The following NMNAT3 variants were observed in gnomAD, a reference collection of about 807,000 sequenced individuals.
NMNAT3 encodes the protein nicotinamide/nicotinic acid mononucleotide adenylyltransferase 3.
A neutral mutation model predicts 24.8 loss-of-function variants in NMNAT3; 21 were observed. That is an observed-to-expected ratio of 0.85 (90% CI 0.60 to 1.22). The LOEUF is 1.22. NMNAT3 is among the 50% of genes most tolerant of loss of function. The pLI is 0.00. For missense variants in NMNAT3, 387 were observed against 436.6 expected, an observed-to-expected ratio of 0.89 and a Z score of 1.01; for synonymous variants, 136 against 155.2, an observed-to-expected ratio of 0.88 and a Z score of 0.92.
chr3:139,652,231 C>T (rs1055068681), intron 1 of NMNAT3, among the ~76,000 whole-genome samples: 5 of 152,202 alleles, frequency 3.3e-5, no homozygotes, highest in African/African-American at 1.2e-4. Flanking sequence ...TGTCCCCTTA[C>T]ATTTTGTGGG....
At chr3:139,644,990 T>C (rs1424783423) in intron 1 of NMNAT3, among the ~76,000 whole-genome samples, 2 of 151,910 alleles carry the variant, frequency 1.3e-5, no homozygotes, top group Non-Finnish European at 2.9e-5. Context: ...GATCATGAGG[T>C]CAGGAGTTCG....
intron 3 of NMNAT3, among the ~76,000 whole-genome samples, chr3:139,595,952 T>C (rs1381852169): frequency 1.3e-5 from 2 of 152,164 alleles, no homozygotes; most frequent in East Asian, 3.8e-4. Flanking sequence ...AAAGCCAAAA[T>C]TGACAAATGG....
intron 3 of NMNAT3, among the ~76,000 whole-genome samples, chr3:139,607,317 C>G (rs566725971): frequency 3.3e-5 from 5 of 152,248 alleles, no homozygotes; most frequent in Admixed American, 3.3e-4. Flanking sequence ...AGCCTCCACT[C>G]CTTTATTCAT....
intron 3 of NMNAT3, among the ~76,000 whole-genome samples, chr3:139,585,772 T>C (rs1486944087): frequency 1.3e-5 from 2 of 152,214 alleles, no homozygotes; most frequent in Non-Finnish European, 2.9e-5. Flanking sequence ...TTTTCCTCTT[T>C]TGCCTCAGCA....
rs143994697 is a variant in NMNAT3 at position 139,597,972 on chromosome 3, G to A, written c.110-14764C>T. On this transcript the variant is annotated intron_variant, in intron 3 of 6. Coordinates refer to ENST00000643695, the MANE Select transcript of NMNAT3 (RefSeq NM_001320510.2). ...AATAAACTGCTTATTCTTGTATGCCGTTGATAATTTGTAGTTTTTATGCAG... is the reference window on the plus strand; with the variant it reads ...AATAAACTGCTTATTCTTGTATGCCATTGATAATTTGTAGTTTTTATGCAG... Among the ~76,000 whole-genome samples the A allele has an allele frequency of 5.4e-3, 822 of 152,312 alleles. 12 individuals carry two copies. Among genetic ancestry groups the A allele is most frequent in the African/African-American group, 0.018 (731 of 41,578 alleles).
chr3:139,659,754 C>A (rs1031586954), intron 1 of NMNAT3, among the ~76,000 whole-genome samples: 6 of 152,212 alleles, frequency 3.9e-5, no homozygotes, highest in Admixed American at 3.9e-4. Flanking sequence ...ACAACCCAAG[C>A]CTTTCATGTA....
At chr3:139,637,046 C>T (rs1032918646) in intron 2 of NMNAT3, 7 of 152,204 alleles carry the variant, frequency 4.6e-5, no homozygotes, top group African/African-American at 9.7e-5. Flanking sequence ...GGTACACAGA[C>T]GTCTGCCTGA....
intron 1 of NMNAT3, among the ~76,000 whole-genome samples, chr3:139,673,855 A>G (rs938722770): frequency 3.3e-5 from 5 of 152,044 alleles, no homozygotes; most frequent in Non-Finnish European, 7.4e-5. Context: ...CACTTGGTCC[A>G]AAGCTGTGGA....
intron 1 of NMNAT3, among the ~76,000 whole-genome samples, chr3:139,668,638 T>C (rs2057660705): frequency 6.6e-6 from 1 of 152,228 alleles, no homozygotes; most frequent in South Asian, 2.1e-4. Flanking sequence ...CTATGAAAAC[T>C]TCCTTTGTTG....
At chr3:139,613,363 A>G (rs2055322653) in intron 3 of NMNAT3, among the ~76,000 whole-genome samples, 1 of 152,242 alleles carries the variant, frequency 6.6e-6, no homozygotes, top group Non-Finnish European at 1.5e-5. Context: ...ATATTTATGC[A>G]GCCAAAAGAC....
chr3:139,591,137 C>G (rs1407932634), intron 3 of NMNAT3, among the ~76,000 whole-genome samples: 1 of 150,976 alleles, frequency 6.6e-6, no homozygotes, highest in Non-Finnish European at 1.5e-5. Flanking sequence ...CGAAGCAGGG[C>G]GAGGCATTGC....
At chr3:139,597,628 C>T (rs1017477242) in intron 3 of NMNAT3, among the ~76,000 whole-genome samples, 2 of 152,168 alleles carry the variant, frequency 1.3e-5, no homozygotes, top group African/African-American at 2.4e-5. Flanking sequence ...TGAATTATTG[C>T]TCCCAATTCC....
At chr3:139,614,607 AG>A (rs944569797) in intron 3 of NMNAT3, among the ~76,000 whole-genome samples, 2 of 152,234 alleles carry the variant, frequency 1.3e-5, no homozygotes, top group African/African-American at 4.8e-5. Context: ...ATGTTTCCTC[AG>A]GAGGAGGTAC....
chr3:139,646,767 C>T (rs1321180290), intron 1 of NMNAT3, among the ~76,000 whole-genome samples: 1 of 152,206 alleles, frequency 6.6e-6, no homozygotes, highest in Admixed American at 6.5e-5. Context: ...AGGTATTAGA[C>T]ATTAGCATTC....
In NMNAT3 at chr3:139,605,920, T is replaced by C. The variant is rs1278722815; in HGVS notation, c.109+21696A>G. Reference sequence around the variant, plus strand: ...ATTATTTTGGCTTCATGTGATTTTTTTTTTTTTCTGTAACAAATTTACTTA... The same window carrying C: ...ATTATTTTGGCTTCATGTGATTTTTCTTTTTTTCTGTAACAAATTTACTTA... On this transcript the variant is annotated intron_variant, in intron 3 of 6. Transcript: ENST00000643695. Among the ~76,000 whole-genome samples, 4 of 152,246 alleles carry C rather than the reference T, an allele frequency of 2.6e-5. No individual in the cohort carries two copies. In the East Asian group the frequency reaches 7.7e-4, roughly 29 times the overall value.
At chr3:139,631,470 C>G (rs964881757) in intron 2 of NMNAT3, among the ~76,000 whole-genome samples, 1 of 152,008 alleles carries the variant, frequency 6.6e-6, no homozygotes, top group Admixed American at 6.6e-5. Context: ...TGAGACGGAG[C>G]AAGTGAGGGA....
At chr3:139,646,384 A>T (rs2056871209) in intron 1 of NMNAT3, among the ~76,000 whole-genome samples, 1 of 152,138 alleles carries the variant, frequency 6.6e-6, no homozygotes, top group South Asian at 2.1e-4. Context: ...AGCCATTCAC[A>T]TTCAATAGTT....
At chr3:139,609,942 A>G (rs2055129844) in intron 3 of NMNAT3, 1 of 152,268 alleles carries the variant, frequency 6.6e-6, no homozygotes, top group Admixed American at 6.5e-5. Context: ...CTACAGGTGC[A>G]CACATTAAGG....
At chr3:139,611,726 G>T (rs953341637) in intron 3 of NMNAT3, among the ~76,000 whole-genome samples, 4 of 152,210 alleles carry the variant, frequency 2.6e-5, no homozygotes, top group Non-Finnish European at 2.9e-5. Context: ...GCTTTGTGTT[G>T]GCAGGCTGCC....
Sources: gnomAD v4.1 joint callset for allele counts (sites outside exome capture counted in the v4.1 genomes callset) on GRCh38, gnomAD v4.1.1 for gene constraint, MANE v1.5 for transcripts, NCBI Gene and HGNC (gene_info 2026-07-23, HGNC 2026-07-21) for gene names.